The following PLEKHM3 variants were observed in gnomAD, a reference collection of about 807,000 sequenced individuals.
PLEKHM3 encodes pleckstrin homology domain-containing family M member 3.
PLEKHM3 carries 45 observed loss-of-function variants against 81.8 expected under a neutral mutation model. The ratio of observed to expected loss-of-function variants is 0.55; its 90% confidence interval spans 0.43 to 0.71. The LOEUF is 0.71. Among genes scored for constraint, PLEKHM3 ranks in the 30% least tolerant of loss-of-function variants. The pLI is 0.00. For synonymous variants in PLEKHM3, 352 were observed against 356.4 expected (o/e 0.99, Z 0.14); for missense variants, 788 against 924.3 (o/e 0.85, Z 1.91).
intron 6 of PLEKHM3, among the ~76,000 whole-genome samples, chr2:207,904,365 C>T (rs1207154139): frequency 6.6e-6 from 1 of 152,144 alleles, no homozygotes; most frequent in African/African-American, 2.4e-5. Context: ...GAGCCTCTGC[C>T]TGTGTCTTAT....
chr2:207,999,139 A>G (rs1044264220), intron 2 of PLEKHM3, among the ~76,000 whole-genome samples: 7 of 151,824 alleles, frequency 4.6e-5, no homozygotes, highest in African/African-American at 1.5e-4. Context: ...CGTGCCACCA[A>G]GCCCAGCTAA....
intron 3 of PLEKHM3, among the ~76,000 whole-genome samples, chr2:207,949,008 C>T (rs143106327): frequency 3.3e-5 from 5 of 152,150 alleles, no homozygotes; most frequent in Admixed American, 3.3e-4. Context: ...GCACTTAATA[C>T]AGAGCTTTAC....
intron 3 of PLEKHM3, among the ~76,000 whole-genome samples, chr2:207,951,283 TGTAAA>T (rs1690319598): frequency 6.6e-6 from 1 of 152,316 alleles, no homozygotes; most frequent in South Asian, 2.1e-4. Flanking sequence ...AAAATAGAGC[TGTAAA>T]GTAGAGACAA....
chr2:207,911,458 C>T (rs1450337681), intron 5 of PLEKHM3, among the ~76,000 whole-genome samples: 2 of 152,090 alleles, frequency 1.3e-5, no homozygotes, highest in Admixed American at 6.5e-5. Flanking sequence ...AATAAGAAAT[C>T]GACATTATGC....
chr2:207,910,627 G>A (rs1688781703), intron 5 of PLEKHM3, among the ~76,000 whole-genome samples: 1 of 152,120 alleles, frequency 6.6e-6, no homozygotes, highest in South Asian at 2.1e-4. Flanking sequence ...GGAAAGGAGG[G>A]AGGTAGGTTT....
chr2:207,950,108 G>A (rs1690280880), intron 3 of PLEKHM3, among the ~76,000 whole-genome samples: 1 of 152,166 alleles, frequency 6.6e-6, no homozygotes, highest in South Asian at 2.1e-4. Context: ...CATGGATAGG[G>A]TCCATTCAGG....
intron 2 of PLEKHM3, among the ~76,000 whole-genome samples, chr2:207,987,775 C>T (rs1288361352): frequency 6.6e-6 from 1 of 152,142 alleles, no homozygotes; most frequent in African/African-American, 2.4e-5. Flanking sequence ...TCTCAGTCCA[C>T]CTCACCTGCC....
intron 6 of PLEKHM3, among the ~76,000 whole-genome samples, chr2:207,889,993 C>T (rs547846614): frequency 3.1e-4 from 47 of 152,100 alleles, no homozygotes; most frequent in Non-Finnish European, 4.4e-4. Flanking sequence ...TTAGTAGAGA[C>T]GGGGTTTCAC....
At chr2:207,898,566 C>T (rs535141735) in intron 6 of PLEKHM3, among the ~76,000 whole-genome samples, 5 of 152,202 alleles carry the variant, frequency 3.3e-5, no homozygotes, top group African/African-American at 1.2e-4. Context: ...TCAGCCCGGG[C>T]GACATGGCGA....
At chr2:207,839,086 C>A (rs966278924) in intron 7 of PLEKHM3, among the ~76,000 whole-genome samples, 1 of 151,958 alleles carries the variant, frequency 6.6e-6, no homozygotes, top group Non-Finnish European at 1.5e-5. Flanking sequence ...CATTTACCTG[C>A]CAAGTTTTTG....
chr2:207,946,518 C>T lies in PLEKHM3; in HGVS notation c.1547-6G>A, dbSNP rs181379574. Reference sequence around the variant, plus strand: ...ACCTATGGATCGCTGGCAGCCTGTTCAAGGAAAAAGGAAGAGTCTATGATT... The same window carrying T: ...ACCTATGGATCGCTGGCAGCCTGTTTAAGGAAAAAGGAAGAGTCTATGATT... On this transcript the variant is annotated splice_polypyrimidine_tract_variant and splice_region_variant and intron_variant, in intron 3 of 7. Transcript: ENST00000427836. 1,152 of 1,609,362 alleles carry T rather than the reference C, an allele frequency of 7.2e-4. 2 individuals are homozygous for T. Among genetic ancestry groups the T allele is most frequent in the Non-Finnish European group, 9.1e-4 (1,074 of 1,178,558 alleles).
chr2:207,862,142 G>A (rs1192193869), intron 6 of PLEKHM3, among the ~76,000 whole-genome samples: 2 of 152,090 alleles, frequency 1.3e-5, no homozygotes, highest in African/African-American at 2.4e-5. Flanking sequence ...ATACCCATGG[G>A]CTTCAAAGAC....
At chr2:207,989,258 G>A (rs1243163796) in intron 2 of PLEKHM3, among the ~76,000 whole-genome samples, 1 of 152,124 alleles carries the variant, frequency 6.6e-6, no homozygotes, top group African/African-American at 2.4e-5. Flanking sequence ...AGAAAAGATG[G>A]GCCCCAAAGT....
At chr2:208,011,287 A>G (rs1005508836) in intron 1 of PLEKHM3, among the ~76,000 whole-genome samples, 21 of 152,320 alleles carry the variant, frequency 1.4e-4, no homozygotes, top group African/African-American at 4.6e-4. Context: ...ACACTTGCAC[A>G]TGCATGTTTA....
At chr2:207,974,156 A>G (rs1691221955) in intron 3 of PLEKHM3, among the ~76,000 whole-genome samples, 1 of 152,226 alleles carries the variant, frequency 6.6e-6, no homozygotes, top group Admixed American at 6.5e-5. Flanking sequence ...AACCTAACTA[A>G]GGCAGCTGCC....
intron 1 of PLEKHM3, among the ~76,000 whole-genome samples, chr2:208,021,179 G>C (rs945773562): frequency 1.3e-5 from 2 of 152,136 alleles, no homozygotes; most frequent in Non-Finnish European, 2.9e-5. Flanking sequence ...ATGTTACTGG[G>C]CTAGAACCAG....
chr2:207,838,656 G>GA (rs2092333411), intron 7 of PLEKHM3, among the ~76,000 whole-genome samples: 1 of 152,142 alleles, frequency 6.6e-6, no homozygotes, highest in Non-Finnish European at 1.5e-5. Context: ...TCTTGGGATA[G>GA]GGAAAATGGA....
At chr2:207,878,844 A>AT (rs1227979906) in intron 6 of PLEKHM3, among the ~76,000 whole-genome samples, 26 of 151,230 alleles carry the variant, frequency 1.7e-4, no homozygotes, top group African/African-American at 6.3e-4. Flanking sequence ...TATTTTTTTT[A>AT]TTTTTTTATT....
At chr2:207,898,205 C>T (rs1574383742) in intron 6 of PLEKHM3, among the ~76,000 whole-genome samples, 1 of 152,246 alleles carries the variant, frequency 6.6e-6, no homozygotes, top group East Asian at 1.9e-4. Context: ...TTTTGTTTGG[C>T]CTGCAGAGTG....
Sources: gnomAD v4.1 joint callset for allele counts (sites outside exome capture counted in the v4.1 genomes callset) on GRCh38, gnomAD v4.1.1 for gene constraint, MANE v1.5 for transcripts, NCBI Gene and HGNC (gene_info 2026-07-23, HGNC 2026-07-21) for gene names.